The following BEND7 variants were observed in gnomAD, a reference collection of about 807,000 sequenced individuals.
The protein encoded by BEND7 is BEN domain-containing protein 7.
BEND7 carries 28 observed loss-of-function variants against 50.9 expected under a neutral mutation model. The ratio of observed to expected loss-of-function variants is 0.55; its 90% CI spans 0.41 to 0.75. BEND7 has a LOEUF of 0.75. Among genes scored for constraint, BEND7 ranks in the 30% least tolerant of loss-of-function variants. The pLI is 0.00. For synonymous variants in BEND7, 170 were observed against 183.9 expected (o/e 0.92, Z 0.61); for missense variants, 477 against 491.3 (o/e 0.97, Z 0.28).
At position 13,452,616 on chromosome 10, in the gene BEND7, A is replaced by C. The variant is rs558265110; in HGVS notation, c.1106T>G (p.Leu369Arg). Reference protein sequence around the residue: ...KYCTANHVDKLPGPRDWVQIL... With the variant: ...KYCTANHVDKRPGPRDWVQIL... ...CTGTACCCAATCTCTTGGGCCAGGA[A>C]GCTTATCCACATGGTTAGCTGTACA... Residue 369 changes from leucine to arginine, a missense_variant, in exon 7 of 9, where the codon CTT becomes CGT. Around this residue, in one of 3 missense-constraint regions of BEND7, gnomAD observed 64 missense variants for 68.5 expected, o/e 0.93. Transcript: ENST00000466271. 1 of 1,613,108 alleles carries C rather than the reference A, an allele frequency of 6.2e-7. No individual in the cohort carries two copies. Among genetic ancestry groups the C allele is most frequent in the South Asian group, 1.1e-5 (1 of 90,904 alleles).
intron 6 of BEND7, among the ~76,000 whole-genome samples, chr10:13,463,337 A>C (rs1417426370): frequency 1.3e-5 from 2 of 152,210 alleles, no homozygotes; most frequent in East Asian, 3.9e-4. Context: ...ACTGGAGAGG[A>C]GAAAGGGGAG....
chr10:13,488,496 TC>T (rs1213540873), intron 5 of BEND7, among the ~76,000 whole-genome samples: 3 of 151,952 alleles, frequency 2.0e-5, no homozygotes, highest in African/African-American at 4.8e-5. Flanking sequence ...TTTCTTTTTT[TC>T]TTTTTTTTTG....
At chr10:13,525,448 C>T (rs539731675) in intron 2 of BEND7, among the ~76,000 whole-genome samples, 31 of 152,296 alleles carry the variant, frequency 2.0e-4, no homozygotes, top group Middle Eastern at 6.8e-3. Context: ...TCATCCCTGA[C>T]GTGAGCTGGG....
chr10:13,456,753 C>T (rs1839061031), intron 6 of BEND7, among the ~76,000 whole-genome samples: 2 of 152,146 alleles, frequency 1.3e-5, no homozygotes, highest in African/African-American at 4.8e-5. Flanking sequence ...TTCTGAAGAA[C>T]TCAAGCATTT....
At chr10:13,523,627 A>T (rs1312152642) in intron 2 of BEND7, among the ~76,000 whole-genome samples, 1 of 152,248 alleles carries the variant, frequency 6.6e-6, no homozygotes, top group Non-Finnish European at 1.5e-5. Context: ...TAAGCTTCCC[A>T]TATAATTCTA....
intron 2 of BEND7, among the ~76,000 whole-genome samples, chr10:13,512,372 G>A (rs1185143126): frequency 1.3e-5 from 2 of 152,164 alleles, no homozygotes; most frequent in Non-Finnish European, 2.9e-5. Flanking sequence ...CTGTGTTCAC[G>A]ATTCTATGAA....
intron 6 of BEND7, among the ~76,000 whole-genome samples, chr10:13,461,503 C>T (rs776756743): frequency 3.9e-5 from 6 of 152,282 alleles, no homozygotes; most frequent in South Asian, 4.1e-4. Context: ...GAGGCCGCGG[C>T]GGGCAGATCA....
At chr10:13,473,282 G>A (rs2075075052) in intron 6 of BEND7, among the ~76,000 whole-genome samples, 2 of 150,960 alleles carry the variant, frequency 1.3e-5, no homozygotes, top group African/African-American at 4.9e-5. Context: ...CGTCATCGCT[G>A]TGAGACTTGG....
At chr10:13,521,353 C>T (rs527777240) in intron 2 of BEND7, among the ~76,000 whole-genome samples, 16 of 152,222 alleles carry the variant, frequency 1.1e-4, no homozygotes, top group South Asian at 1.0e-3. Context: ...AAAAACAACA[C>T]GTTTCTTGGG....
At chr10:13,488,764 G>A (rs563571901) in intron 5 of BEND7, among the ~76,000 whole-genome samples, 3 of 152,322 alleles carry the variant, frequency 2.0e-5, no homozygotes, top group South Asian at 2.1e-4. Flanking sequence ...TGGGATTACA[G>A]GCGTGAGCCA....
intron 6 of BEND7, among the ~76,000 whole-genome samples, chr10:13,473,521 T>A (rs2075114841): frequency 6.9e-6 from 1 of 145,480 alleles, no homozygotes; most frequent in Non-Finnish European, 1.5e-5. Context: ...TTGATACTCA[T>A]CATTGCTGTT....
chr10:13,461,074 T>C (rs1004852384), intron 6 of BEND7, among the ~76,000 whole-genome samples: 1 of 151,032 alleles, frequency 6.6e-6, no homozygotes, highest in Admixed American at 6.6e-5. Context: ...TGGGTGGGAG[T>C]GGGTAGCGGG....
At chr10:13,466,228 AT>A (rs376860540) in intron 6 of BEND7, among the ~76,000 whole-genome samples, 1,540 of 140,236 alleles carry the variant, frequency 0.011, 9 homozygotes, top group African/African-American at 0.025. Context: ...CGTTGAATCC[AT>A]TTTTTTTTTT....
At chr10:13,491,357 T>A (rs1307618120) in intron 5 of BEND7, among the ~76,000 whole-genome samples, 1 of 149,046 alleles carries the variant, frequency 6.7e-6, no homozygotes, top group East Asian at 2.0e-4. Flanking sequence ...AAGGACTGAA[T>A]GTACTTTGTG....
chr10:13,516,116 T>A (rs2078652191), intron 2 of BEND7, among the ~76,000 whole-genome samples: 1 of 152,116 alleles, frequency 6.6e-6, no homozygotes, highest in Non-Finnish European at 1.5e-5. Context: ...TTATTAAGAG[T>A]CTACTCTGCA....
At chr10:13,443,689 C>G (rs937004554) in intron 8 of BEND7, 2 of 152,066 alleles carry the variant, frequency 1.3e-5, no homozygotes, top group South Asian at 2.1e-4. Context: ...GGAAAATGGC[C>G]TAAAAGATAA....
In BEND7 at chr10:13,441,371, C is replaced by A. The variant is rs1443077713; in HGVS notation, c.*372G>T. The A allele has an allele frequency of 1.9e-6, 2 of 1,059,550 alleles. No individual in the cohort carries two copies. The highest frequency in any genetic ancestry group is 2.3e-6 in the Non-Finnish European group (2 of 879,304). The allele number at this position is 1,059,550 out of a possible 1,614,324, so 65.6% of individuals were successfully genotyped here. On this transcript the variant is annotated 3_prime_UTR_variant, in exon 9 of 9. Transcript: ENST00000466271. ...GAACAGTAGTCACAGTAAGTAAACA[C>A]AATTTTAATTTACAAAATATGATTT...
chr10:13,458,325 C>G (rs1839484889), intron 6 of BEND7, among the ~76,000 whole-genome samples: 1 of 152,230 alleles, frequency 6.6e-6, no homozygotes, highest in Admixed American at 6.5e-5. Context: ...CGCCACTCTG[C>G]AAACAAGGCG....
chr10:13,517,160 G>A (rs1387148634), intron 2 of BEND7, among the ~76,000 whole-genome samples: 2 of 151,384 alleles, frequency 1.3e-5, no homozygotes, highest in African/African-American at 4.9e-5. Context: ...CACCCACTGG[G>A]CTCAACTGAT....
Sources: allele counts gnomAD v4.1 joint callset (sites outside exome capture counted in the v4.1 genomes callset), GRCh38; gene constraint gnomAD v4.1.1; regional missense constraint gnomAD v4.1.1; transcripts MANE v1.5; gene names NCBI Gene and HGNC (gene_info 2026-07-23, HGNC 2026-07-21).